Variants in PREX2 observed in about 807,000 individuals in gnomAD.
PREX2 encodes the protein phosphatidylinositol 3,4,5-trisphosphate-dependent Rac exchanger 2 protein.
In PREX2, 107 loss-of-function variants were observed where a neutral mutation model predicts 203.2. That is an observed-to-expected ratio of 0.53 (90% CI 0.45 to 0.62). The LOEUF (loss-of-function observed/expected upper bound fraction) is 0.62. Ranked by LOEUF, PREX2 falls within the 20% of genes least tolerant of loss-of-function variation. The pLI, the probability that PREX2 is intolerant of heterozygous loss-of-function variation, is 0.00. For synonymous variants in PREX2, 672 were observed against 663.6 expected (o/e 1.01, Z -0.19); for missense variants, 1,777 against 1,955.9 (o/e 0.91, Z 1.72).
At chr8:68,101,766 A>G (rs1335392217) in intron 23 of PREX2, among the ~76,000 whole-genome samples, 19 of 152,176 alleles carry the variant, frequency 1.2e-4, no homozygotes. Flanking sequence ...CAAACTGGTC[A>G]CCGTGCCTGG....
intron 33 of PREX2, among the ~76,000 whole-genome samples, chr8:68,143,435 G>A (rs1049782272): frequency 2.6e-5 from 4 of 152,166 alleles, no homozygotes; most frequent in African/African-American, 9.7e-5. Flanking sequence ...CTGAGCAGAT[G>A]TGAGCATCTT....
chr8:68,205,858 T>C (rs1479368435), intron 37 of PREX2, among the ~76,000 whole-genome samples: 1 of 152,260 alleles, frequency 6.6e-6, no homozygotes, highest in Admixed American at 6.5e-5. Context: ...TTTTTACTAC[T>C]TGATCACTTT....
chr8:68,171,144 A>G lies in PREX2; in HGVS notation c.4346+13708A>G, dbSNP rs1372917647. Among the ~76,000 whole-genome samples the G allele has an allele frequency of 3.3e-5, 5 of 152,228 alleles. No individual in the cohort carries two copies. The East Asian group carries it at 9.6e-4, about 29-fold the overall frequency. On this transcript the variant is annotated intron_variant, in intron 35 of 39. Transcript: ENST00000288368. Reference sequence around the variant, plus strand: ...ACTTTATAATGAATTTTGGGGGCTTATGATTTGGCATATCTGAATGTAAAT... The same window carrying G: ...ACTTTATAATGAATTTTGGGGGCTTGTGATTTGGCATATCTGAATGTAAAT...
intron 2 of PREX2, 41 bp downstream of exon 2, chr8:68,017,958 C>T (rs1170757572): frequency 2.0e-6 from 3 of 1,525,004 alleles, no homozygotes; most frequent in Non-Finnish European, 2.7e-6. Flanking sequence ...GCATGAGTTT[C>T]CTATAGATAA....
At chr8:68,175,949 G>A (rs1470438843) in intron 35 of PREX2, among the ~76,000 whole-genome samples, 1 of 151,942 alleles carries the variant, frequency 6.6e-6, no homozygotes, top group Non-Finnish European at 1.5e-5. Flanking sequence ...AGACATTTCA[G>A]TCAAGCAGAA....
chr8:67,971,091 AG>A (rs796226147), intron 1 of PREX2, among the ~76,000 whole-genome samples: 1 of 152,150 alleles, frequency 6.6e-6, no homozygotes, highest in South Asian at 2.1e-4. Context: ...GGGGTGATAA[AG>A]GTAGCTTGGG....
chr8:68,182,343 T>G (rs533321478), intron 35 of PREX2, among the ~76,000 whole-genome samples: 1 of 152,142 alleles, frequency 6.6e-6, no homozygotes, highest in Non-Finnish European at 1.5e-5. Flanking sequence ...AGGGAGACCC[T>G]GAGAATATTT....
At chr8:68,136,198 A>T (rs1330764413) in intron 32 of PREX2, among the ~76,000 whole-genome samples, 1 of 152,174 alleles carries the variant, frequency 6.6e-6, no homozygotes, top group African/African-American at 2.4e-5. Flanking sequence ...AAAACCCCTG[A>T]GCTATACATT....
rs11784582 is a variant in PREX2, at chr8:68,044,581, G to A, written c.934G>A (p.Asp312Asn). ...TEVMEVENVDDGTADFHSSGH... is the reference protein window; with the variant it reads ...TEVMEVENVDNGTADFHSSGH... The stretch of plus-strand genomic sequence containing the variant: ...GGTGATGGAAGTGGAGAATGTGGAT[G>A]ATGGCACCGGTAAGTGATTTGTAGA... The change falls in exon 8 of 40, where the codon GAT (aspartate) becomes AAT (asparagine). Residue 312 changes from aspartate (D) to asparagine (N), a missense_variant. Coordinates refer to ENST00000288368, the MANE Select transcript of PREX2 (RefSeq NM_024870.4). 2.4e-3 allele frequency: 3,877 copies of A among 1,610,452 alleles called. 6 individuals are homozygous for A. The highest frequency in any genetic ancestry group is 2.9e-3 in the Non-Finnish European group (3,467 of 1,177,102).
chr8:68,080,480 T>C lies in PREX2; in HGVS notation c.1680T>C (p.Leu560=), dbSNP rs754783586. 3 of 1,613,232 alleles carry C rather than the reference T, an allele frequency of 1.9e-6. No homozygotes were observed. Among genetic ancestry groups the C allele is most frequent in the Non-Finnish European group, 2.5e-6 (3 of 1,179,734 alleles). The stretch of plus-strand genomic sequence containing the variant: ...GCGAATTCAAAGATGAACCCCTACT[T>C]TTCCGTTTTTTTTCGGATGAGGAAA... ...EKSEFKDEPL[L]FRFFSDEEME... Residue 560 remains leucine (L), a synonymous_variant, in exon 16 of 40, where the codon CTT becomes CTC. Transcript: ENST00000288368.
chr8:68,030,906 C>G (rs1482303061), intron 6 of PREX2, among the ~76,000 whole-genome samples: 2 of 152,064 alleles, frequency 1.3e-5, no homozygotes, highest in African/African-American at 4.8e-5. Flanking sequence ...GGGCTATAAG[C>G]TTTAATATTT....
chr8:68,047,508 CACATACATAT>C (rs1163274895), intron 8 of PREX2, among the ~76,000 whole-genome samples: 12 of 55,572 alleles, frequency 2.2e-4, no homozygotes, highest in African/African-American at 1.0e-3. Context: ...TATATATATA[CACATACATAT>C]ATATATATGT....
rs1381683795 is a variant in PREX2 at position 68,090,857 on chromosome 8, A to T, written c.2250+142A>T. Reference sequence around the variant, plus strand: ...ACACAGCATTATAAATCTCATAATGATTGCTTTATCTGCATAATTAATTAT... The same window carrying T: ...ACACAGCATTATAAATCTCATAATGTTTGCTTTATCTGCATAATTAATTAT... On this transcript the variant is annotated intron_variant, in intron 20 of 39. Coordinates refer to ENST00000288368, the MANE Select transcript of PREX2 (RefSeq NM_024870.4). 5.3e-6 allele frequency: 3 copies of T among 570,688 alleles called. No individual in the cohort carries two copies. In the African/African-American group the frequency reaches 5.6e-5, roughly 11 times the overall value. 35.4% of individuals were successfully genotyped at this position (570,688 alleles called of 1,614,324 possible).
At chr8:68,079,787 T>A (rs1031384226) in intron 15 of PREX2, among the ~76,000 whole-genome samples, 3 of 152,142 alleles carry the variant, frequency 2.0e-5, no homozygotes, top group African/African-American at 7.2e-5. Context: ...CCAAGAATCT[T>A]AGGGGATTTG....
At position 68,083,306 on chromosome 8, in the gene PREX2, T is replaced by G. The variant is rs199889793; in HGVS notation, c.1945T>G (p.Phe649Val). 3.1e-6 allele frequency: 5 copies of G among 1,610,856 alleles called. No homozygotes were observed. The highest frequency in any genetic ancestry group is 1.6e-4 in the Middle Eastern group (1 of 6,064). Residue 649 changes from phenylalanine to valine, a missense_variant, in exon 18 of 40, where the codon TTC becomes GTC. Phe to Val is a conservative substitution (Grantham distance 50, BLOSUM62 -1). Transcript: ENST00000288368. ...TGGTGACCTAGTTTTTATGAGACCT[T>G]TCAATGAAGTGGATTGCTTCCTGAA... ...INGDLVFMRPFNEVDCFLKSC... is the reference protein window; with the variant it reads ...INGDLVFMRPVNEVDCFLKSC...
At chr8:68,005,354 G>C (rs12542359) in intron 1 of PREX2, among the ~76,000 whole-genome samples, 3,898 of 152,226 alleles carry the variant, frequency 0.026, 68 homozygotes, top group Non-Finnish European at 0.036. Flanking sequence ...TGGAAACCTA[G>C]GTGGCCCCTC....
intron 35 of PREX2, among the ~76,000 whole-genome samples, chr8:68,189,962 C>A (rs1300933037): frequency 6.6e-6 from 1 of 152,160 alleles, no homozygotes; most frequent in African/African-American, 2.4e-5. Flanking sequence ...CTAAAGCATT[C>A]ATAATTTAAA....
chr8:68,143,329 T>C (rs533489833), intron 33 of PREX2, among the ~76,000 whole-genome samples: 1 of 152,198 alleles, frequency 6.6e-6, no homozygotes, highest in East Asian at 1.9e-4. Context: ...GTGTGTAGCA[T>C]GTCCCAGCTT....
chr8:68,153,236 G>T (rs1811478211), intron 34 of PREX2, among the ~76,000 whole-genome samples: 1 of 152,206 alleles, frequency 6.6e-6, no homozygotes, highest in Non-Finnish European at 1.5e-5. Flanking sequence ...CCAAACAAGT[G>T]TGCTATCAAA....
Sources: gnomAD v4.1 joint callset for allele counts (sites outside exome capture counted in the v4.1 genomes callset) on GRCh38, gnomAD v4.1.1 for gene constraint, MANE v1.5 for transcripts, NCBI Gene and HGNC (gene_info 2026-07-23, HGNC 2026-07-21) for gene names.